The following ZNG1E variants were observed in gnomAD, a reference collection of about 807,000 sequenced individuals.
The protein encoded by ZNG1E is Zn regulated GTPase metalloprotein activator 1E.
At chr9:65,655,222 A>C in the ZNG1E span, among the ~76,000 whole-genome samples, 1 of 151,796 alleles carries the variant, frequency 6.6e-6, no homozygotes, top group Non-Finnish European at 1.5e-5. Context: ...AAAGGAACTA[A>C]AAGTAATTAA....
chr9:65,668,552 A>G, the ZNG1E span, among the ~76,000 whole-genome samples: 4 of 150,502 alleles, frequency 2.7e-5, no homozygotes, highest in Non-Finnish European at 5.9e-5. Context: ...TTAATAAGAA[A>G]CAAGGTCTTT....
chr9:65,663,861 C>G, the ZNG1E span, among the ~76,000 whole-genome samples: 1 of 151,594 alleles, frequency 6.6e-6, no homozygotes, highest in Non-Finnish European at 1.5e-5. Context: ...CCTCTTCCCC[C>G]ATTGTCTCTG....
chr9:65,722,417 T>G, the ZNG1E span, among the ~76,000 whole-genome samples: 1 of 69,344 alleles, frequency 1.4e-5, no homozygotes, highest in African/African-American at 6.2e-5. Context: ...AGGATAGTTT[T>G]TCATTTGTTT....
the ZNG1E span, chr9:65,682,537 GTAT>G: frequency 3.0e-5 from 12 of 396,502 alleles, no homozygotes; most frequent in African/African-American, 4.4e-5. Context: ...TTTTAATAAA[GTAT>G]TATTATGTAT....
At chr9:65,710,710 C>CTATA in the ZNG1E span, among the ~76,000 whole-genome samples, 1 of 150,024 alleles carries the variant, frequency 6.7e-6, no homozygotes, top group East Asian at 1.9e-4. Context: ...TTCCATTGAT[C>CTATA]TATATCTCTG....
the ZNG1E span, among the ~76,000 whole-genome samples, chr9:65,674,338 A>C: frequency 1.3e-5 from 2 of 152,290 alleles, no homozygotes; most frequent in African/African-American, 4.8e-5. Context: ...ATATGTACTT[A>C]TCAGTAGAAC....
the ZNG1E span, among the ~76,000 whole-genome samples, chr9:65,722,697 A>ATTTT: frequency 3.0e-3 from 25 of 8,402 alleles, 9 homozygotes; most frequent in African/African-American, 0.011. Context: ...TGCCTAGCTA[A>ATTTT]TTTTTTTTTT....
chr9:65,702,228 C>A, the ZNG1E span, among the ~76,000 whole-genome samples: 1 of 151,706 alleles, frequency 6.6e-6, no homozygotes, highest in Non-Finnish European at 1.5e-5. Flanking sequence ...CAACCTTGAA[C>A]AAGTAGCAAG....
the ZNG1E span, among the ~76,000 whole-genome samples, chr9:65,709,171 TGA>T: frequency 1.4e-5 from 2 of 138,630 alleles, no homozygotes; most frequent in Admixed American, 7.3e-5. Flanking sequence ...ATAGTGTAAA[TGA>T]TAGTTAACTT....
the ZNG1E span, among the ~76,000 whole-genome samples, chr9:65,684,732 G>GA: frequency 3.9e-5 from 6 of 152,136 alleles, no homozygotes; most frequent in African/African-American, 9.7e-5. Context: ...ATCTCTAAGG[G>GA]AGGGGGTCAA....
chr9:65,702,197 G>A, the ZNG1E span, among the ~76,000 whole-genome samples: 2 of 151,412 alleles, frequency 1.3e-5, no homozygotes, highest in African/African-American at 4.9e-5. Flanking sequence ...CATTATATGT[G>A]GGAAGCCTTA....
the ZNG1E span, among the ~76,000 whole-genome samples, chr9:65,709,935 T>C: frequency 6.6e-6 from 1 of 151,676 alleles, no homozygotes. Context: ...CCACACTGAC[T>C]TCCACAATGG....
At chr9:65,680,994 T>C in the ZNG1E span, among the ~76,000 whole-genome samples, 1 of 152,190 alleles carries the variant, frequency 6.6e-6, no homozygotes, top group Non-Finnish European at 1.5e-5. Flanking sequence ...TTCATTGTGT[T>C]AGCGAGGGTG....
At chr9:65,664,263 G>GC in the ZNG1E span, among the ~76,000 whole-genome samples, 39 of 151,420 alleles carry the variant, frequency 2.6e-4, no homozygotes, top group Non-Finnish European at 4.4e-5. Flanking sequence ...TTTTGGGGGG[G>GC]GTGATATGGT....
chr9:65,710,528 TG>T, the ZNG1E span, among the ~76,000 whole-genome samples: 1 of 152,024 alleles, frequency 6.6e-6, no homozygotes, highest in Non-Finnish European at 1.5e-5. Flanking sequence ...AATTGATTTT[TG>T]TATAAGGTGT....
At chr9:65,657,824 G>A in the ZNG1E span, among the ~76,000 whole-genome samples, 6 of 152,398 alleles carry the variant, frequency 3.9e-5, no homozygotes, top group African/African-American at 7.2e-5. Context: ...AATGCCTGCC[G>A]GGCACATGGC....
At chr9:65,665,062 A>T in the ZNG1E span, among the ~76,000 whole-genome samples, 2 of 152,276 alleles carry the variant, frequency 1.3e-5, no homozygotes, top group African/African-American at 4.8e-5. Context: ...AAAAGTTTGG[A>T]AAATTTGCAG....
chr9:65,688,031 G>C, the ZNG1E span, among the ~76,000 whole-genome samples: 1 of 150,768 alleles, frequency 6.6e-6, no homozygotes, highest in African/African-American at 2.4e-5. Context: ...ATTTTCTTTT[G>C]TTCTTCGTAT....
At chr9:65,700,723 C>A in the ZNG1E span, 1 of 113,840 alleles carries the variant, frequency 8.8e-6, no homozygotes, top group African/African-American at 3.6e-5. Context: ...CTCTGCCAAT[C>A]CCTGAGTTCT....
Sources: allele counts gnomAD v4.1 joint callset (sites outside exome capture counted in the v4.1 genomes callset), GRCh38; gene constraint gnomAD v4.1.1; transcripts MANE v1.5; gene names NCBI Gene and HGNC (gene_info 2026-07-23, HGNC 2026-07-21).